The following FMN1 variants were observed in gnomAD, a reference collection of about 807,000 sequenced individuals.
The protein encoded by FMN1 is formin-1.
FMN1 carries 110 observed loss-of-function variants against 132.4 expected under a neutral mutation model. The ratio of observed to expected loss-of-function variants is 0.83; its 90% CI spans 0.71 to 0.97. The LOEUF is 0.97. Ranked by LOEUF, FMN1 falls within the 50% of genes least tolerant of loss-of-function variation. The pLI, the probability that FMN1 is intolerant of heterozygous loss-of-function variation, is 0.00. For missense variants in FMN1, 1,792 were observed against 1,705.3 expected (o/e 1.05, Z -0.90); for synonymous variants, 722 against 651.7 (o/e 1.11, Z -1.64).
At chr15:33,054,747 C>G (rs2037138865) in intron 6 of FMN1, among the ~76,000 whole-genome samples, 1 of 152,190 alleles carries the variant, frequency 6.6e-6, no homozygotes, top group Admixed American at 6.5e-5. Context: ...CCGGAAAATG[C>G]AGGCTGAAAT....
At chr15:33,048,644 A>AAAAAAACAAAAAAAAAAACAAAAAC in intron 6 of FMN1, among the ~76,000 whole-genome samples, 2 of 86,950 alleles carry the variant, frequency 2.3e-5, no homozygotes, top group African/African-American at 8.2e-5. Flanking sequence ...AAAAAAAAAA[A>AAAAAAACAAAAAAAAAAACAAAAAC]AAAAACCAAC....
intron 15 of FMN1, among the ~76,000 whole-genome samples, chr15:32,890,150 A>G (rs550944585): frequency 2.2e-3 from 335 of 151,952 alleles, no homozygotes; most frequent in African/African-American, 7.8e-3. Context: ...TATATATATC[A>G]GTTTCTTTAA....
chr15:32,884,146 A>G (rs2059839203), intron 16 of FMN1, among the ~76,000 whole-genome samples: 2 of 152,324 alleles, frequency 1.3e-5, no homozygotes, highest in South Asian at 4.1e-4. Flanking sequence ...ACTATAATAA[A>G]TTAGCACAAA....
intron 7 of FMN1, among the ~76,000 whole-genome samples, chr15:32,974,406 T>A (rs1486527218): frequency 6.6e-6 from 1 of 152,236 alleles, no homozygotes; most frequent in Non-Finnish European, 1.5e-5. Flanking sequence ...AATAGTCTGT[T>A]ATAATATATG....
chr15:32,940,922 G>A (rs183158431), intron 9 of FMN1, among the ~76,000 whole-genome samples: 4 of 152,250 alleles, frequency 2.6e-5, no homozygotes, highest in East Asian at 3.9e-4. Flanking sequence ...ATTGTTAGAC[G>A]TTAGTGGGAT....
chr15:32,892,051 T>C (rs942717663), intron 15 of FMN1, among the ~76,000 whole-genome samples: 3 of 152,144 alleles, frequency 2.0e-5, no homozygotes, highest in African/African-American at 4.8e-5. Context: ...CTTCCTTTCT[T>C]TCTCTTGTCT....
chr15:32,857,225 G>A (rs1338672423), intron 16 of FMN1, 118 bp from the exon 17 acceptor site: 2 of 744,670 alleles, frequency 2.7e-6, no homozygotes, highest in Admixed American at 2.3e-5. Context: ...GTCAACCACT[G>A]TTGGTCCAAA....
At chr15:33,001,978 C>A (rs2034145982) in intron 7 of FMN1, among the ~76,000 whole-genome samples, 1 of 152,104 alleles carries the variant, frequency 6.6e-6, no homozygotes, top group Non-Finnish European at 1.5e-5. Context: ...GGTGATAGGG[C>A]TTGCATTTTG....
intron 10 of FMN1, among the ~76,000 whole-genome samples, chr15:32,915,172 C>T (rs905802160): frequency 6.6e-6 from 1 of 152,034 alleles, no homozygotes; most frequent in African/African-American, 2.4e-5. Flanking sequence ...AATAAAAAGG[C>T]CTACCAAGTC....
chr15:33,151,474 G>A, intron 4 of FMN1: 3 of 1,296,806 alleles, frequency 2.3e-6, no homozygotes, highest in Non-Finnish European at 3.2e-6. Flanking sequence ...TGGGCTCACG[G>A]TCAGTCTCCA....
intron 6 of FMN1, among the ~76,000 whole-genome samples, chr15:33,046,842 C>T (rs2036708153): frequency 1.4e-5 from 1 of 72,928 alleles, no homozygotes; most frequent in Non-Finnish European, 3.5e-5. Flanking sequence ...ATTTCTGAGG[C>T]TAGTCAAGCT....
chr15:32,938,923 C>T (rs932712837), intron 9 of FMN1, among the ~76,000 whole-genome samples: 2 of 152,046 alleles, frequency 1.3e-5, no homozygotes, highest in African/African-American at 4.8e-5. Flanking sequence ...TACAAATACA[C>T]TTAAATAAGG....
At chr15:33,178,736 G>A (rs952956719) in intron 3 of FMN1, among the ~76,000 whole-genome samples, 14 of 152,140 alleles carry the variant, frequency 9.2e-5, no homozygotes, top group African/African-American at 3.4e-4. Context: ...TACAGTGACT[G>A]GTACATAGTA....
intron 17 of FMN1, among the ~76,000 whole-genome samples, chr15:32,827,272 T>C (rs1488707406): frequency 6.6e-6 from 1 of 152,180 alleles, no homozygotes; most frequent in Non-Finnish European, 1.5e-5. Context: ...AACAAAATGA[T>C]TGTCTTTGGG....
Position 32,968,807 on chromosome 15 carries a change from G to A in FMN1, c.2894C>T (p.Ser965Phe), listed in dbSNP as rs764567519. 3.1e-6 allele frequency: 5 copies of A among 1,611,984 alleles called. No individual in the cohort carries two copies. The highest frequency in any genetic ancestry group is 1.1e-5 in the South Asian group (1 of 90,932). ...PPPGLFFGLG[S>F]SSSQCPRKPA... The stretch of plus-strand genomic sequence containing the variant: ...TTTTCGAGGACATTGACTGGAAGAA[G>A]AGCCAAGTCCAAAGAAGAGTCCAGG... Residue 965 changes from serine (S) to phenylalanine (F), a missense_variant, in exon 8 of 21, where the codon TCT becomes TTT. By Grantham distance (155) the Ser-to-Phe change is radical (BLOSUM62 -2). Transcript: ENST00000616417.
chr15:32,885,080 A>G (rs2059863463), intron 16 of FMN1, among the ~76,000 whole-genome samples: 1 of 152,216 alleles, frequency 6.6e-6, no homozygotes, highest in Non-Finnish European at 1.5e-5. Context: ...ATGCTACTTG[A>G]CAAGCTGTTA....
In FMN1 at chr15:32,936,094, A is replaced by G. The variant is rs530573206; in HGVS notation, c.3139-9833T>C. 8.5e-5 allele frequency among the ~76,000 whole-genome samples: 13 copies of G among 152,158 alleles called. No individual in the cohort carries two copies. The South Asian group carries it at 2.5e-3, about 29-fold the overall frequency. On this transcript the variant is annotated intron_variant, in intron 9 of 20. Coordinates refer to ENST00000616417, the MANE Select transcript of FMN1 (RefSeq NM_001277313.2). The stretch of plus-strand genomic sequence containing the variant: ...CCCAATATTTGTTTGGTTCTTCATA[A>G]TATTTTCTATTTCTTTGTTGATACT...
intron 6 of FMN1, among the ~76,000 whole-genome samples, chr15:33,033,669 G>GTTTTTTTT (rs59822207): frequency 1.7e-5 from 1 of 57,404 alleles, no homozygotes; most frequent in Non-Finnish European, 4.2e-5. Flanking sequence ...CTACCTCATG[G>GTTTTTTTT]TTTTTTTTTT....
intron 6 of FMN1, among the ~76,000 whole-genome samples, chr15:33,017,960 G>A (rs1331975431): frequency 1.3e-5 from 2 of 152,068 alleles, no homozygotes; most frequent in Non-Finnish European, 2.9e-5. Flanking sequence ...AGCTACTCGG[G>A]GGGCAGAGGT....
Sources: gnomAD v4.1 joint callset for allele counts (sites outside exome capture counted in the v4.1 genomes callset) on GRCh38, gnomAD v4.1.1 for gene constraint, MANE v1.5 for transcripts, NCBI Gene and HGNC (gene_info 2026-07-23, HGNC 2026-07-21) for gene names.